Variants in WDR59 observed in about 807,000 individuals in gnomAD.
WDR59 encodes GATOR2 complex protein WDR59.
In WDR59, 100 loss-of-function variants were observed where a neutral mutation model predicts 131.2. That is an observed-to-expected ratio of 0.76 (90% CI 0.65 to 0.90). WDR59 has a LOEUF of 0.90. Among genes scored for constraint, WDR59 ranks in the 40% least tolerant of loss-of-function variants. The probability of loss-of-function intolerance (pLI) is 0.00; values close to 1 mark genes in which losing one functional copy is unlikely to be tolerated. For missense variants in WDR59, 1,203 were observed against 1,262.2 expected (o/e 0.95, Z 0.71); for synonymous variants, 601 against 466.2 (o/e 1.29, Z -3.72).
chr16:74,980,186 T>C (rs11645953), intron 1 of WDR59, among the ~76,000 whole-genome samples: 6,802 of 151,046 alleles, frequency 0.045, 276 homozygotes, highest in Admixed American at 0.11. Flanking sequence ...TTAACACTCA[T>C]TGATGCCAGG....
At chr16:74,947,238 C>T (rs904441876) in intron 6 of WDR59, among the ~76,000 whole-genome samples, 3 of 152,070 alleles carry the variant, frequency 2.0e-5, no homozygotes, top group Non-Finnish European at 4.4e-5. Context: ...CACCTGAGGT[C>T]GGGAGTTCAA....
intron 8 of WDR59, among the ~76,000 whole-genome samples, chr16:74,935,889 C>T (rs2031758402): frequency 6.6e-6 from 1 of 151,598 alleles, no homozygotes; most frequent in African/African-American, 2.4e-5. Flanking sequence ...CCCAGCTGCT[C>T]AGGAGGCTGA....
chr16:74,980,978 T>A lies in WDR59; in HGVS notation c.54+3986A>T, dbSNP rs114588551. On this transcript the variant is annotated intron_variant, in intron 1 of 25. Coordinates refer to ENST00000262144, the MANE Select transcript of WDR59 (RefSeq NM_030581.4). ...AGACTCCATCTCAAAAATAAAAAAA[T>A]ATATATTTTTAGGCCAAGGTGGGAG... Among the ~76,000 whole-genome samples the A allele has an allele frequency of 3.3e-3, 486 of 145,344 alleles. 2 individuals are homozygous for A. The highest frequency in any genetic ancestry group is 0.012 in the African/African-American group (467 of 39,300).
chr16:74,921,084 A>T lies in WDR59; in HGVS notation c.886+863T>A, dbSNP rs557855150. On this transcript the variant is annotated intron_variant, in intron 10 of 25. Transcript: ENST00000262144. The stretch of plus-strand genomic sequence containing the variant: ...ATGATATATTTCACAGTAAAAAAAA[A>T]TTTTTTTTTATTTAAACTTTCATTT... Among the ~76,000 whole-genome samples, 29 of 151,886 alleles carry T rather than the reference A, an allele frequency of 1.9e-4. No individual in the cohort carries two copies. The East Asian group carries it at 2.1e-3, about 11-fold the overall frequency.
intron 25 of WDR59, among the ~76,000 whole-genome samples, chr16:74,876,792 T>C (rs548306017): frequency 2.6e-5 from 4 of 152,252 alleles, no homozygotes; most frequent in Admixed American, 2.0e-4. Context: ...TTGAGAAGGA[T>C]AGGCAGATGC....
chr16:74,877,270 CTT>C (rs1964260267), intron 25 of WDR59, among the ~76,000 whole-genome samples: 1 of 152,138 alleles, frequency 6.6e-6, no homozygotes, highest in East Asian at 1.9e-4. Context: ...ACAAAGGTAT[CTT>C]AACATTTTTA....
chr16:74,953,816 AG>A (rs1268992259), intron 3 of WDR59, among the ~76,000 whole-genome samples: 1 of 151,836 alleles, frequency 6.6e-6, no homozygotes, highest in Non-Finnish European at 1.5e-5. Flanking sequence ...CCTGGCTAAC[AG>A]GGCGAAACCC....
intron 25 of WDR59, among the ~76,000 whole-genome samples, chr16:74,885,178 C>T (rs1351996792): frequency 3.3e-5 from 5 of 152,096 alleles, no homozygotes; most frequent in Admixed American, 2.0e-4. Flanking sequence ...CCTGGGCATG[C>T]GCCATGGCTC....
At chr16:74,883,186 G>A (rs1207632061) in intron 25 of WDR59, among the ~76,000 whole-genome samples, 9 of 151,510 alleles carry the variant, frequency 5.9e-5, no homozygotes, top group Admixed American at 5.3e-4. Context: ...CACCACGCCC[G>A]GCTAATTTTT....
At chr16:74,940,128 C>T (rs141108702) in intron 7 of WDR59, among the ~76,000 whole-genome samples, 62 of 152,254 alleles carry the variant, frequency 4.1e-4, no homozygotes, top group African/African-American at 1.5e-3. Flanking sequence ...CCTGTAATCC[C>T]AGCACCTTGG....
chr16:74,892,656 C>T, intron 19 of WDR59, 91 bp from the exon 20 acceptor site: 1 of 1,059,686 alleles, frequency 9.4e-7, no homozygotes, highest in Non-Finnish European at 1.4e-6. Flanking sequence ...GAGAACCTGA[C>T]TCTTTGGTTA....
intron 14 of WDR59, among the ~76,000 whole-genome samples, chr16:74,911,317 G>A (rs1006319204): frequency 6.6e-6 from 1 of 152,138 alleles, no homozygotes; most frequent in African/African-American, 2.4e-5. Context: ...CTGAGTTACT[G>A]GCATTTCAGA....
chr16:74,934,131 A>G (rs1163280320), intron 8 of WDR59, among the ~76,000 whole-genome samples: 3 of 152,174 alleles, frequency 2.0e-5, no homozygotes, highest in African/African-American at 7.2e-5. Context: ...CTATTATCAA[A>G]TCCACAGTAT....
chr16:74,941,928 C>A (rs1054517616), intron 7 of WDR59, among the ~76,000 whole-genome samples: 1 of 152,124 alleles, frequency 6.6e-6, no homozygotes, highest in African/African-American at 2.4e-5. Flanking sequence ...CATCCCTGAA[C>A]AAGCCATCCC....
chr16:74,884,921 T>G lies in WDR59; in HGVS notation c.2689+732A>C, dbSNP rs1430465851. 3.9e-5 allele frequency among the ~76,000 whole-genome samples: 6 copies of G among 152,202 alleles called. No individual in the cohort carries two copies. The East Asian group carries it at 1.2e-3, about 29-fold the overall frequency. ...TCTCAACACACCTCAATTCCTCTTCTAAGATTCTCCCTCTCTGTTCTCCCT... is the reference window on the plus strand; with the variant it reads ...TCTCAACACACCTCAATTCCTCTTCGAAGATTCTCCCTCTCTGTTCTCCCT... On this transcript the variant is annotated intron_variant, in intron 25 of 25. Coordinates refer to ENST00000262144, the MANE Select transcript of WDR59 (RefSeq NM_030581.4).
At chr16:74,925,561 G>C (rs529370213) in intron 8 of WDR59, among the ~76,000 whole-genome samples, 1 of 111,958 alleles carries the variant, frequency 8.9e-6, no homozygotes, top group East Asian at 2.8e-4. Flanking sequence ...AAAAAAAAAA[G>C]CATTCTCAGA....
At chr16:74,928,383 AT>A (rs938001694) in intron 8 of WDR59, among the ~76,000 whole-genome samples, 2 of 150,898 alleles carry the variant, frequency 1.3e-5, no homozygotes, top group South Asian at 2.1e-4. Flanking sequence ...CATCCGGCTA[AT>A]TTTTTTTATT....
intron 18 of WDR59, among the ~76,000 whole-genome samples, chr16:74,894,150 A>C (rs574455948): frequency 3.9e-5 from 6 of 152,338 alleles, no homozygotes; most frequent in Non-Finnish European, 4.4e-5. Context: ...AACAATTTTT[A>C]GATTGAATTC....
intron 17 of WDR59, among the ~76,000 whole-genome samples, chr16:74,906,740 T>C (rs1320777621): frequency 6.6e-6 from 1 of 152,072 alleles, no homozygotes; most frequent in Non-Finnish European, 1.5e-5. Context: ...AAGCCAGACA[T>C]AAAACAGGTC....
Sources: gnomAD v4.1 joint callset for allele counts (sites outside exome capture counted in the v4.1 genomes callset) on GRCh38, gnomAD v4.1.1 for gene constraint, MANE v1.5 for transcripts, NCBI Gene and HGNC (gene_info 2026-07-23, HGNC 2026-07-21) for gene names.